AVEN: variants seen among roughly 807,000 people sequenced by gnomAD.
AVEN encodes cell death regulator Aven.
Under a neutral mutation model 38.1 loss-of-function variants are expected in AVEN, and 41 were observed. The ratio of observed to expected loss-of-function variants is 1.08; its 90% CI spans 0.84 to 1.40. The LOEUF is 1.40. Ranked by LOEUF, AVEN falls within the 40% of genes most tolerant of loss-of-function variation. The probability of loss-of-function intolerance (pLI) is 0.00; values close to 1 mark genes in which losing one functional copy is unlikely to be tolerated. For missense variants in AVEN, 605 were observed against 438.8 expected, an observed-to-expected ratio of 1.38 and a Z score of -3.38; for synonymous variants, 206 against 171.8, an observed-to-expected ratio of 1.20 and a Z score of -1.56.
Position 34,047,599 on chromosome 15 carries a change from C to T in AVEN, n.1637+15323G>A, listed in dbSNP as rs534483972. 8.5e-5 allele frequency among the ~76,000 whole-genome samples: 13 copies of T among 152,204 alleles called. No homozygotes were observed. In the East Asian group the frequency reaches 2.5e-3, roughly 29 times the overall value. Reference sequence around the variant, plus strand: ...GCCTGAGAGAGAATTGAGCTCCCAGCGGGAGGATGACTGTTACCTCTGTGG... The same window carrying T: ...GCCTGAGAGAGAATTGAGCTCCCAGTGGGAGGATGACTGTTACCTCTGTGG... On this transcript the variant is annotated intron_variant and non_coding_transcript_variant, in intron 5 of 11. Transcript: ENST00000675287.
chr15:33,867,870 T>C lies in AVEN; in HGVS notation c.613-15A>G, dbSNP rs751932445. On this transcript the variant is annotated splice_polypyrimidine_tract_variant and intron_variant, in intron 4 of 5. Coordinates refer to ENST00000306730, the MANE Select transcript of AVEN (RefSeq NM_020371.3). ...GGAACTGTACCCTGAAAGAGAAGTA[T>C]AAAAACTGAGTTAAAAATGTGAGTC... is the stretch of plus-strand genomic sequence containing the variant. The C allele has an allele frequency of 3.2e-6, 5 of 1,542,716 alleles. No homozygotes were observed. The East Asian group carries it at 9.0e-5, about 28-fold the overall frequency.
chr15:33,944,661 T>G (rs563071270), intron 2 of AVEN, among the ~76,000 whole-genome samples: 20 of 151,982 alleles, frequency 1.3e-4, no homozygotes, highest in Non-Finnish European at 8.8e-5. Context: ...TACAAAAAAT[T>G]AGCCGGGCGT....
At chr15:34,052,511 A>G (rs1433171010) in intron 5 of AVEN, among the ~76,000 whole-genome samples, 3 of 152,242 alleles carry the variant, frequency 2.0e-5, no homozygotes, top group African/African-American at 4.8e-5. Flanking sequence ...ATCAGGCAAG[A>G]GAAAGAAATG....
chr15:33,922,162 C>A (rs982512886), intron 2 of AVEN, among the ~76,000 whole-genome samples: 1 of 152,266 alleles, frequency 6.6e-6, no homozygotes, highest in South Asian at 2.1e-4. Context: ...GGGAGTATAG[C>A]CCCTTGGAAA....
intron 1 of AVEN, among the ~76,000 whole-genome samples, chr15:34,031,630 C>A (rs35547338): frequency 1.3e-5 from 2 of 152,130 alleles, no homozygotes; most frequent in African/African-American, 4.8e-5. Context: ...TTCCATTAAT[C>A]TCCTATTTTT....
At chr15:33,857,996 G>A, downstream of AVEN, 1 of 1,567,650 alleles carries the variant, frequency 6.4e-7, no homozygotes, top group Non-Finnish European at 8.7e-7. Context: ...GAAGGGCTGT[G>A]TGGGGGTGCT....
At chr15:33,868,583 A>C (rs926742352) in intron 4 of AVEN, among the ~76,000 whole-genome samples, 1 of 151,550 alleles carries the variant, frequency 6.6e-6, no homozygotes, top group East Asian at 1.9e-4. Flanking sequence ...CCAGGAAGTA[A>C]TTAGCAAATC....
At position 33,860,905 on chromosome 15, in the gene AVEN, C is replaced by CTACTGAGTGAATGACT. The variant is rs1172855089; in HGVS notation, n.2730-1827_2730-1812dup. The stretch of plus-strand genomic sequence containing the variant: ...CTAATCAGGAGCTAAGTGTATGGCA[C>CTACTGAGTGAATGACT]TACTGAGTGAATGACTAATAGCCAA... On this transcript the variant is annotated intron_variant and non_coding_transcript_variant, in intron 11 of 11. Transcript: ENST00000675287. Among the ~76,000 whole-genome samples, 5 of 120,796 alleles carry CTACTGAGTGAATGACT rather than the reference C, an allele frequency of 4.1e-5. No homozygotes were observed. The East Asian group carries it at 2.0e-3, about 49-fold the overall frequency. The allele number at this position is 120,796 out of a possible 152,430, so 79.2% of individuals were successfully genotyped here. A position where few individuals can be genotyped will look rare whatever the true frequency, so the allele number is the denominator to read the frequency against.
At chr15:33,909,307 AG>A (rs1892831234) in intron 2 of AVEN, among the ~76,000 whole-genome samples, 1 of 152,208 alleles carries the variant, frequency 6.6e-6, no homozygotes, top group Admixed American at 6.5e-5. Flanking sequence ...AAGAGACAAA[AG>A]TAAAATGTGC....
chr15:33,884,786 C>T (rs1329808797), intron 2 of AVEN, among the ~76,000 whole-genome samples: 3 of 152,208 alleles, frequency 2.0e-5, no homozygotes, highest in African/African-American at 7.2e-5. Context: ...CCTGCAAAGA[C>T]TTTCAGAATG....
rs79249413 is a variant in AVEN at position 33,920,328 on chromosome 15, A to C, written c.446-44333T>G. On this transcript the variant is annotated intron_variant, in intron 2 of 5. Transcript: ENST00000306730. Reference sequence around the variant, plus strand: ...TTGCAAAGCTGAAACTACACTCATTAAACAACTCATTTCCCCATCTCCCCA... The same window carrying C: ...TTGCAAAGCTGAAACTACACTCATTCAACAACTCATTTCCCCATCTCCCCA... Among the ~76,000 whole-genome samples, 29 of 152,280 alleles carry C rather than the reference A, an allele frequency of 1.9e-4. No individual in the cohort carries two copies. In the East Asian group the frequency reaches 4.8e-3, roughly 25 times the overall value.
chr15:34,029,516 A>C (rs1304392391), intron 1 of AVEN, among the ~76,000 whole-genome samples: 1 of 23,812 alleles, frequency 4.2e-5, no homozygotes, highest in African/African-American at 6.9e-5. Context: ...CCCTATTTCT[A>C]CAAAAAAAAA....
chr15:34,026,825 T>C (rs1026813396), intron 1 of AVEN, among the ~76,000 whole-genome samples: 5 of 152,208 alleles, frequency 3.3e-5, no homozygotes, highest in Admixed American at 6.5e-5. Context: ...CTGCGGTCTT[T>C]TGTTCAACCT....
At chr15:34,002,795 C>T (rs1204819549) in intron 2 of AVEN, among the ~76,000 whole-genome samples, 1 of 152,112 alleles carries the variant, frequency 6.6e-6, no homozygotes, top group African/African-American at 2.4e-5. Flanking sequence ...TATAGAAAGC[C>T]TTTTATCTAT....
intron 2 of AVEN, among the ~76,000 whole-genome samples, chr15:33,903,334 C>T (rs1043929333): frequency 6.6e-6 from 1 of 152,214 alleles, no homozygotes; most frequent in Non-Finnish European, 1.5e-5. Context: ...ATGTGTGCAG[C>T]AACAGCAGGT....
intron 2 of AVEN, among the ~76,000 whole-genome samples, chr15:33,988,173 A>G (rs1896558364): frequency 6.6e-6 from 1 of 152,226 alleles, no homozygotes; most frequent in African/African-American, 2.4e-5. Context: ...CCAAGTGTAA[A>G]CAACACAGCT....
At chr15:33,905,644 C>A (rs1453560359) in intron 2 of AVEN, among the ~76,000 whole-genome samples, 1 of 151,992 alleles carries the variant, frequency 6.6e-6, no homozygotes, top group African/African-American at 2.4e-5. Flanking sequence ...GGAAACATGG[C>A]GAAACCCCTT....
At chr15:33,977,170 G>T (rs201004735) in intron 2 of AVEN, among the ~76,000 whole-genome samples, 2 of 152,168 alleles carry the variant, frequency 1.3e-5, no homozygotes, top group East Asian at 1.9e-4. Context: ...GCAACAAAAT[G>T]AACAAAAAAC....
chr15:33,968,023 T>C (rs1320365847), intron 2 of AVEN, among the ~76,000 whole-genome samples: 1 of 145,224 alleles, frequency 6.9e-6, no homozygotes, highest in Non-Finnish European at 1.5e-5. Context: ...CTTTTAAAAA[T>C]TATTTTCCAT....
Sources: gnomAD v4.1 joint callset for allele counts (sites outside exome capture counted in the v4.1 genomes callset) on GRCh38, gnomAD v4.1.1 for gene constraint, MANE v1.5 for transcripts, NCBI Gene and HGNC (gene_info 2026-07-23, HGNC 2026-07-21) for gene names.